DNAAF10: variants seen among roughly 807,000 people sequenced by gnomAD.
DNAAF10 encodes WD repeat domain 92.
DNAAF10 carries 28 observed loss-of-function variants against 43.7 expected under a neutral mutation model. The ratio of observed to expected loss-of-function variants is 0.64; its 90% CI spans 0.48 to 0.88. The LOEUF (loss-of-function observed/expected upper bound fraction) is 0.88. Ranked by LOEUF, DNAAF10 falls within the 40% of genes least tolerant of loss-of-function variation. The pLI, the probability that DNAAF10 is intolerant of heterozygous loss-of-function variation, is 0.00. For missense variants in DNAAF10, 403 were observed against 439.1 expected (o/e 0.92, Z 0.73); for synonymous variants, 156 against 157.3 (o/e 0.99, Z 0.06).
intron 7 of DNAAF10, among the ~76,000 whole-genome samples, chr2:68,133,217 GTTGT>G (rs893613421): frequency 3.9e-4 from 60 of 152,132 alleles, no homozygotes; most frequent in African/African-American, 9.4e-4. Context: ...AACCATATTG[GTTGT>G]TTGTTTGTTT....
chr2:68,144,627 T>C lies in DNAAF10; in HGVS notation c.373A>G (p.Ile125Val). 1 of 1,614,098 alleles carries C rather than the reference T, an allele frequency of 6.2e-7. No homozygotes were observed. Among genetic ancestry groups the C allele is most frequent in the Non-Finnish European group, 8.5e-7 (1 of 1,180,008 alleles). The change falls in exon 3 of 8, where the codon ATT becomes GTT. Residue 125 changes from isoleucine to valine, a missense_variant. Physicochemically the swap from Ile to Val is conservative, Grantham distance 29. Coordinates refer to ENST00000295121, the MANE Select transcript of DNAAF10 (RefSeq NM_138458.4). ...ACAATTTCAGGTGCTCCTTCTCCAATTCCTAGTCCACCTATGCCATCTATG... is the reference window on the plus strand; with the variant it reads ...ACAATTTCAGGTGCTCCTTCTCCAACTCCTAGTCCACCTATGCCATCTATG... ...NAIDGIGGLG[I>V]GEGAPEIVTG...
At chr2:68,144,748 A>G (rs781124095) in intron 2 of DNAAF10, 33 bp from the exon 3 acceptor site, 1 of 1,587,608 alleles carries the variant, frequency 6.3e-7, no homozygotes, top group South Asian at 1.2e-5. Flanking sequence ...TACACCACAT[A>G]TCCCAAACAT....
chr2:68,140,975 G>A (rs62145932), intron 4 of DNAAF10, among the ~76,000 whole-genome samples: 1 of 151,840 alleles, frequency 6.6e-6, no homozygotes, highest in African/African-American at 2.4e-5. Flanking sequence ...AAGTATACGG[G>A]AGGATGTGTT....
intron 7 of DNAAF10, among the ~76,000 whole-genome samples, chr2:68,133,802 A>G (rs994169341): frequency 6.6e-6 from 1 of 152,164 alleles, no homozygotes; most frequent in African/African-American, 2.4e-5. Context: ...GTATCCCTGC[A>G]CACAGTACTT....
In DNAAF10 at chr2:68,143,627, C is replaced by T. The variant is rs144208287; in HGVS notation, c.415+958G>A. On this transcript the variant is annotated intron_variant, in intron 3 of 7. Transcript: ENST00000295121. ...AGGCTTATAAGGGAATGGTTAAGTA[C>T]GGCCATATGATGGAATATTATATAG... Among the ~76,000 whole-genome samples the T allele has an allele frequency of 1.6e-3, 247 of 152,158 alleles. 1 individual carries two copies. The highest frequency in any genetic ancestry group is 5.1e-3 in the African/African-American group (213 of 41,508).
At chr2:68,140,150 C>T (rs1291261262) in intron 4 of DNAAF10, among the ~76,000 whole-genome samples, 1 of 152,136 alleles carries the variant, frequency 6.6e-6, no homozygotes, top group Non-Finnish European at 1.5e-5. Flanking sequence ...GTATCTCTTG[C>T]TGAGGAAAGA....
At chr2:68,148,966 C>G (rs1406832920) in intron 1 of DNAAF10, among the ~76,000 whole-genome samples, 1 of 152,184 alleles carries the variant, frequency 6.6e-6, no homozygotes, top group African/African-American at 2.4e-5. Context: ...TTTCACTTAA[C>G]AATACATCTG....
intron 7 of DNAAF10, among the ~76,000 whole-genome samples, chr2:68,132,744 C>T (rs990554647): frequency 6.6e-6 from 1 of 152,180 alleles, no homozygotes; most frequent in African/African-American, 2.4e-5. Flanking sequence ...AACCAATTCC[C>T]TTTGCTGGTA....
chr2:68,138,644 A>C, intron 5 of DNAAF10, 98 bp downstream of exon 5: 1 of 850,252 alleles, frequency 1.2e-6, no homozygotes, highest in Non-Finnish European at 1.9e-6. Context: ...AGAGGGGTTG[A>C]CTCAGATGAG....
rs761852165 is a variant in DNAAF10 at position 68,144,637 on chromosome 2, A to G, written c.363T>C (p.Gly121=). Residue 121 remains glycine (G), a synonymous_variant, in exon 3 of 8, where the codon GGT becomes GGC. Transcript: ENST00000295121. ...GTGCTCCTTCTCCAATTCCTAGTCC[A>G]CCTATGCCATCTATGGCATTTATAA... ...KEIINAIDGI[G]GLGIGEGAPE... The G allele has an allele frequency of 6.2e-7, 1 of 1,613,942 alleles. No individual in the cohort carries two copies. Among genetic ancestry groups the G allele is most frequent in the East Asian group, 2.2e-5 (1 of 44,866 alleles).
chr2:68,143,230 T>A (rs72892407), intron 3 of DNAAF10, among the ~76,000 whole-genome samples: 6,245 of 152,108 alleles, frequency 0.041, 366 homozygotes, highest in African/African-American at 0.13. Context: ...CTCTATAGGA[T>A]TCATACAAAT....
At chr2:68,139,797 C>T (rs1485615456) in intron 4 of DNAAF10, among the ~76,000 whole-genome samples, 1 of 150,202 alleles carries the variant, frequency 6.7e-6, no homozygotes, top group Non-Finnish European at 1.5e-5. Context: ...AAGCGAGACT[C>T]TGTCTCAAAA....
chr2:68,157,051 G>A (rs1673638762), intron 1 of DNAAF10: 2 of 703,456 alleles, frequency 2.8e-6, no homozygotes, highest in African/African-American at 3.6e-5. Context: ...GGGGTGGCAG[G>A]ACGGTTGGGC....
intron 2 of DNAAF10, among the ~76,000 whole-genome samples, chr2:68,146,033 GAGT>G (rs1673307662): frequency 6.6e-6 from 1 of 152,146 alleles, no homozygotes; most frequent in South Asian, 2.1e-4. Flanking sequence ...AGGTCAAGGT[GAGT>G]AGATCACCTG....
rs1246928939 is a variant in DNAAF10 at position 68,130,123 on chromosome 2, T to C, written c.*1115A>G. On this transcript the variant is annotated 3_prime_UTR_variant, in exon 8 of 8. Transcript: ENST00000295121. ...CCGTTTTGAGAGAGAGAGATATATA[T>C]ATATATATTTGTTTTTTTTTTTTTT... 2 of 139,862 alleles carry C rather than the reference T, an allele frequency of 1.4e-5. No individual in the cohort carries two copies. Among genetic ancestry groups the C allele is most frequent in the Non-Finnish European group, 3.1e-5 (2 of 64,978 alleles). The allele number at this position is 139,862 out of a possible 1,614,324, so 8.7% of individuals were successfully genotyped here. A position where few individuals can be genotyped will look rare whatever the true frequency, so the allele number is the denominator to read the frequency against.
intron 7 of DNAAF10, among the ~76,000 whole-genome samples, chr2:68,132,322 A>G (rs1363209741): frequency 1.3e-5 from 2 of 152,248 alleles, no homozygotes; most frequent in African/African-American, 4.8e-5. Flanking sequence ...TGGAAAGGGA[A>G]GAAGAATCTA....
At chr2:68,134,630 A>T in intron 7 of DNAAF10, 72 bp downstream of exon 7, 1 of 1,571,836 alleles carries the variant, frequency 6.4e-7, no homozygotes, top group East Asian at 2.3e-5. Context: ...AAAAAGAAAA[A>T]AAAGTTCAAT....
chr2:68,131,769 T>C (rs1663305151), intron 7 of DNAAF10: 1 of 226,206 alleles, frequency 4.4e-6, no homozygotes, highest in African/African-American at 2.3e-5. Context: ...CTTGGTGCTT[T>C]TGGCAATCTT....
intron 4 of DNAAF10, among the ~76,000 whole-genome samples, chr2:68,140,869 C>T (rs528937015): frequency 3.2e-4 from 48 of 152,304 alleles, no homozygotes; most frequent in African/African-American, 1.2e-3. Context: ...AACGTACAGA[C>T]TTCTTGTGCT....
Sources: allele counts gnomAD v4.1 joint callset (sites outside exome capture counted in the v4.1 genomes callset), GRCh38; gene constraint gnomAD v4.1.1; transcripts MANE v1.5; gene names NCBI Gene and HGNC (gene_info 2026-07-23, HGNC 2026-07-21).